TRAFD1: variants seen among roughly 807,000 people sequenced by gnomAD.
TRAFD1 encodes the protein TRAF-type zinc finger domain-containing protein 1.
A neutral mutation model predicts 65.3 loss-of-function variants in TRAFD1; 38 were observed. That is an observed-to-expected ratio of 0.58 (90% confidence interval 0.45 to 0.76). TRAFD1 has a LOEUF of 0.76. Ranked by LOEUF, TRAFD1 falls within the 30% of genes least tolerant of loss-of-function variation. TRAFD1 has a pLI of 0.00. For synonymous variants in TRAFD1, 223 were observed against 257.2 expected (o/e 0.87, Z 1.27); for missense variants, 631 against 712.6 (o/e 0.89, Z 1.30).
At chr12:112,135,123 A>C (rs2079590973) in intron 4 of TRAFD1, 57 bp downstream of exon 4, 1 of 1,598,948 alleles carries the variant, frequency 6.3e-7, no homozygotes. Context: ...ACAGACCCAC[A>C]TGCAGAGCAG....
At chr12:112,145,254 A>C (rs1413814093) in intron 6 of TRAFD1, among the ~76,000 whole-genome samples, 2 of 152,234 alleles carry the variant, frequency 1.3e-5, no homozygotes, top group Non-Finnish European at 2.9e-5. Context: ...TGAGGATTGA[A>C]ATAGTGTGTG....
chr12:112,146,717 G>T (rs1182250062), intron 7 of TRAFD1, among the ~76,000 whole-genome samples: 1 of 152,160 alleles, frequency 6.6e-6, no homozygotes, highest in Non-Finnish European at 1.5e-5. Flanking sequence ...GGCTAGGTCA[G>T]GAACCACACC....
intron 7 of TRAFD1, among the ~76,000 whole-genome samples, chr12:112,147,279 G>A (rs988351803): frequency 6.6e-6 from 1 of 152,056 alleles, no homozygotes; most frequent in Non-Finnish European, 1.5e-5. Context: ...TTACAGGCGT[G>A]AGCCTCCACG....
At chr12:112,151,743 C>G in intron 9 of TRAFD1, 58 bp from the exon 10 acceptor site, 2 of 1,516,784 alleles carry the variant, frequency 1.3e-6, no homozygotes, top group South Asian at 1.3e-5. Flanking sequence ...TGCCCTAAAC[C>G]TGGCACTATA....
Position 112,152,103 on chromosome 12 carries a change from T to C in TRAFD1, c.1582T>C (p.Ser528Pro). 2 of 1,613,862 alleles carry C rather than the reference T, an allele frequency of 1.2e-6. No individual in the cohort carries two copies. The highest frequency in any genetic ancestry group is 1.7e-6 in the Non-Finnish European group (2 of 1,179,774). The change falls in exon 10 of 12, where the codon TCT becomes CCT. Residue 528 changes from serine (S) to proline (P), a missense_variant. Transcript: ENST00000412615. The surrounding 1 kb of genome is among the most constrained non-coding windows in gnomAD (Gnocchi z 5.0). ...TCTCTACCCAGAAAACATTGTGCCCTCTTTCTCCCCTGGGCCTTCAGGGAG... is the reference window on the plus strand; with the variant it reads ...TCTCTACCCAGAAAACATTGTGCCCCCTTTCTCCCCTGGGCCTTCAGGGAG... ...QNLYPENIVP[S>P]FSPGPSGRYG...
intron 1 of TRAFD1, among the ~76,000 whole-genome samples, chr12:112,129,029 TAAAAAAAAAAAA>T (rs543476356): frequency 1.1e-5 from 1 of 91,540 alleles, no homozygotes; most frequent in Non-Finnish European, 2.2e-5. Context: ...AGACTCTGTT[TAAAAAAAAAAAA>T]AAAAAAAAAG....
chr12:112,150,857 C>G (rs948780031), intron 9 of TRAFD1, among the ~76,000 whole-genome samples: 5 of 152,080 alleles, frequency 3.3e-5, no homozygotes, highest in Non-Finnish European at 7.4e-5. Flanking sequence ...GCCATCACAC[C>G]CAGCCTCAAA....
chr12:112,132,677 T>A (rs2079572126), intron 2 of TRAFD1, among the ~76,000 whole-genome samples: 1 of 152,224 alleles, frequency 6.6e-6, no homozygotes, highest in Non-Finnish European at 1.5e-5. Context: ...CACCACTGGA[T>A]GAAAATGAAT....
rs2029929449 is a variant in TRAFD1, at chr12:112,137,001, G to T, written c.237+1935G>T. ...GCACTTTGGGAGGCTGAGGTGGGTG[G>T]ATCACAGGGTCAGGAGTTCGAGACC... On this transcript the variant is annotated intron_variant, in intron 4 of 11. Transcript: ENST00000412615. The surrounding 1 kb of genome is among the most constrained non-coding windows in gnomAD (Gnocchi z 4.2). Among the ~76,000 whole-genome samples, 1 of 152,152 alleles carries T rather than the reference G, an allele frequency of 6.6e-6. No individual in the cohort carries two copies. Among genetic ancestry groups the T allele is most frequent in the Non-Finnish European group, 1.5e-5 (1 of 68,032 alleles).
In TRAFD1 at chr12:112,152,483, G is replaced by T; in HGVS notation, c.1676G>T (p.Arg559Leu). ...GTCACCCCTGCAGCTGCCAACTACC[G>T]CAGCAGAACTGCAAAGGTAAGGTGG... ...SRVTPAAANY[R>L]SRTAKAKPSK... The change falls in exon 11 of 12, where the codon CGC becomes CTC. Residue 559 changes from arginine (R) to leucine (L), a missense_variant. Transcript: ENST00000412615. The surrounding 1 kb of genome is among the most constrained non-coding windows in gnomAD (Gnocchi z 5.0). 1 of 1,613,990 alleles carries T rather than the reference G, an allele frequency of 6.2e-7. No homozygotes were observed.
chr12:112,138,058 T>A (rs1044850583), intron 4 of TRAFD1, among the ~76,000 whole-genome samples: 1 of 151,870 alleles, frequency 6.6e-6, no homozygotes, highest in Non-Finnish European at 1.5e-5. Flanking sequence ...CTAGGCAATA[T>A]CGTGAGACCC....
At chr12:112,147,287 A>G (rs370703034) in intron 7 of TRAFD1, among the ~76,000 whole-genome samples, 91 of 151,960 alleles carry the variant, frequency 6.0e-4, no homozygotes, top group African/African-American at 2.2e-3. Flanking sequence ...GTGAGCCTCC[A>G]CGTCTGGCCA....
Position 112,152,365 on chromosome 12 carries a change from T to C in TRAFD1, c.1620-62T>C. 1.3e-6 allele frequency: 2 copies of C among 1,594,920 alleles called. No individual in the cohort carries two copies. The highest frequency in any genetic ancestry group is 3.3e-5 in the Admixed American group (2 of 59,944). ...GCATAGGACTGCTTCCTGTTCCCTC[T>C]GAGTTTGTTGACCTTTGCTCAGGGA... is the stretch of plus-strand genomic sequence containing the variant. On this transcript the variant is annotated intron_variant, in intron 10 of 11. Coordinates refer to ENST00000412615, the MANE Select transcript of TRAFD1 (RefSeq NM_006700.3). The surrounding 1 kb of genome is among the most constrained non-coding windows in gnomAD (Gnocchi z 5.0).
At chr12:112,140,032 GA>G in intron 4 of TRAFD1, 1 of 199,522 alleles carries the variant, frequency 5.0e-6, no homozygotes, top group African/African-American at 2.4e-5. Context: ...AATAATAAAT[GA>G]AAAATAAAGC....
chr12:112,149,660 G>T, intron 8 of TRAFD1, 91 bp from the exon 9 acceptor site: 1 of 1,536,898 alleles, frequency 6.5e-7, no homozygotes, highest in Non-Finnish European at 8.9e-7. Flanking sequence ...TCCCCCTCCA[G>T]ATGAGGAATA....
rs1435114485 is a variant in TRAFD1 at position 112,130,260 on chromosome 12, C to T, written c.-12-251C>T. ...GTACTGAGATTACAGGCATGAGCCA[C>T]TGTACCCAGCCTAGTAAAAGTATTT... On this transcript the variant is annotated intron_variant, in intron 1 of 11. Transcript: ENST00000412615. This position sits in a 1 kb window ranked among gnomAD's most constrained non-coding sequence, Gnocchi z 4.4. Among the ~76,000 whole-genome samples the T allele has an allele frequency of 6.6e-6, 1 of 152,096 alleles. No individual in the cohort carries two copies. Among genetic ancestry groups the T allele is most frequent in the Non-Finnish European group, 1.5e-5 (1 of 68,030 alleles).
chr12:112,130,566 A>G lies in TRAFD1; in HGVS notation c.44A>G (p.Asn15Ser). The G allele has an allele frequency of 1.9e-6, 3 of 1,612,196 alleles. No individual in the cohort carries two copies. Among genetic ancestry groups the G allele is most frequent in the Non-Finnish European group, 2.5e-6 (3 of 1,178,860 alleles). The change falls in exon 2 of 12, where the codon AAC becomes AGC. Residue 15 changes from asparagine to serine, a missense_variant. Asn to Ser is a conservative substitution (Grantham distance 46). Transcript: ENST00000412615. The surrounding 1 kb of genome is among the most constrained non-coding windows in gnomAD (Gnocchi z 4.4). ...GACCAGGAAACTCGACTGTGTGACAACTGGTAAGACATTAAATCTAAGAAA... is the reference window on the plus strand; with the variant it reads ...GACCAGGAAACTCGACTGTGTGACAGCTGGTAAGACATTAAATCTAAGAAA... ...LDDQETRLCDNCKKEIPVFNF... is the reference protein window; with the variant it reads ...LDDQETRLCDSCKKEIPVFNF...
chr12:112,133,552 T>C (rs1196901591), intron 2 of TRAFD1, among the ~76,000 whole-genome samples: 2 of 152,186 alleles, frequency 1.3e-5, no homozygotes, highest in Non-Finnish European at 2.9e-5. Flanking sequence ...GGGACATGGA[T>C]GGTTTTGGAA....
chr12:112,141,146 T>C lies in TRAFD1; in HGVS notation c.565T>C (p.Phe189Leu). ...MRLPRRPLRAFESDVFHNRTT... is the reference protein window; with the variant it reads ...MRLPRRPLRALESDVFHNRTT... ...GCTGCCGCGAAGGCCCCTGAGAGCCTTTGAATCAGATGTTTTCCACAATAG... is the reference window on the plus strand; with the variant it reads ...GCTGCCGCGAAGGCCCCTGAGAGCCCTTGAATCAGATGTTTTCCACAATAG... Residue 189 changes from phenylalanine to leucine, a missense_variant, in exon 5 of 12, where the codon TTT becomes CTT. Coordinates refer to ENST00000412615, the MANE Select transcript of TRAFD1 (RefSeq NM_006700.3). 1.2e-6 allele frequency: 2 copies of C among 1,614,188 alleles called. No homozygotes were observed. Among genetic ancestry groups the C allele is most frequent in the South Asian group, 1.1e-5 (1 of 91,088 alleles).
Sources: allele counts gnomAD v4.1 joint callset (sites outside exome capture counted in the v4.1 genomes callset), GRCh38; gene constraint gnomAD v4.1.1; non-coding constraint Gnocchi (gnomAD v3.1); transcripts MANE v1.5; gene names NCBI Gene and HGNC (gene_info 2026-07-23, HGNC 2026-07-21).